Variants in ORC2 observed in about 807,000 individuals in gnomAD.
ORC2 encodes the protein origin recognition complex subunit 2.
ORC2 carries 37 observed loss-of-function variants against 77.7 expected under a neutral mutation model. The ratio of observed to expected loss-of-function variants is 0.48; its 90% CI spans 0.37 to 0.63. The LOEUF is 0.63. ORC2 is among the 20% of genes least tolerant of loss of function. ORC2 has a pLI of 0.00. For missense variants in ORC2, 557 were observed against 661.9 expected (o/e 0.84, Z 1.74); for synonymous variants, 201 against 229.5 (o/e 0.88, Z 1.12).
intron 17 of ORC2, among the ~76,000 whole-genome samples, chr2:200,912,978 A>G (rs2040577264): frequency 6.6e-6 from 1 of 152,256 alleles, no homozygotes; most frequent in Non-Finnish European, 1.5e-5. Flanking sequence ...CTATGTAGTT[A>G]GTACTCAATA....
chr2:200,918,875 T>C (rs2040706879), intron 15 of ORC2, among the ~76,000 whole-genome samples: 2 of 151,492 alleles, frequency 1.3e-5, no homozygotes, highest in South Asian at 4.2e-4. Context: ...ATAGATCTAA[T>C]ACCTGTTTTT....
chr2:200,927,001 G>GTTTATAA (rs2040848106), intron 11 of ORC2, 101 bp from the exon 12 acceptor site: 1 of 1,284,170 alleles, frequency 7.8e-7, no homozygotes, highest in Non-Finnish European at 1.1e-6. Context: ...AAAAAATACA[G>GTTTATAA]GAAAGGGGTA....
At chr2:200,937,075 A>G (rs1050086777) in intron 8 of ORC2, among the ~76,000 whole-genome samples, 20 of 152,146 alleles carry the variant, frequency 1.3e-4, no homozygotes, top group Non-Finnish European at 1.3e-4. Context: ...TGCTCGTGGT[A>G]CATGCACAGT....
At position 200,936,010 on chromosome 2, in the gene ORC2, C is replaced by T. The variant is rs1464842274; in HGVS notation, c.515-118G>A. 3 of 715,412 alleles carry T rather than the reference C, an allele frequency of 4.2e-6. No individual in the cohort carries two copies. In the African/African-American group the frequency reaches 5.4e-5, roughly 13 times the overall value. The allele number at this position is 715,412 out of a possible 1,614,324, so 44.3% of individuals were successfully genotyped here. On this transcript the variant is annotated intron_variant, in intron 8 of 17. Transcript: ENST00000234296. Reference sequence around the variant, plus strand: ...AGTCTGAATTCTGGTTTTGTCATTACCTGCTCATGATTTCACCAGAGCTAA... The same window carrying T: ...AGTCTGAATTCTGGTTTTGTCATTATCTGCTCATGATTTCACCAGAGCTAA...
intron 11 of ORC2, among the ~76,000 whole-genome samples, chr2:200,929,597 C>T (rs1320001726): frequency 6.6e-6 from 1 of 151,540 alleles, no homozygotes; most frequent in Non-Finnish European, 1.5e-5. Context: ...TGAGACCAGC[C>T]TAGGCAAGAT....
At chr2:200,956,368 C>T (rs963778195) in intron 4 of ORC2, among the ~76,000 whole-genome samples, 5 of 152,066 alleles carry the variant, frequency 3.3e-5, no homozygotes, top group Admixed American at 2.0e-4. Flanking sequence ...TAGCTGGGAC[C>T]ACAGGTGTGT....
intron 13 of ORC2, 65 bp from the exon 14 acceptor site, chr2:200,921,204 G>A: frequency 9.2e-7 from 1 of 1,085,864 alleles, no homozygotes; most frequent in Non-Finnish European, 1.3e-6. Context: ...CTGTTGCCTA[G>A]GCTAGAGTGC....
Position 200,913,398 on chromosome 2 carries a change from T to A in ORC2, c.1544A>T (p.Asp515Val). ...NPSYIGLSFQ[D>V]FYQQCREAFL... ...TGCCTCCCGACACTGCTGGTAAAAA[T>A]CTTGAAAAGAAAGGCCTGGCAAGTT... is the stretch of plus-strand genomic sequence containing the variant. The change falls in exon 17 of 18, where the codon GAT becomes GTT. Residue 515 changes from aspartate to valine, a missense_variant. Coordinates refer to ENST00000234296, the MANE Select transcript of ORC2 (RefSeq NM_006190.5). 6.3e-7 allele frequency: 1 copy of A among 1,590,926 alleles called. No individual in the cohort carries two copies. Among genetic ancestry groups the A allele is most frequent in the Non-Finnish European group, 8.6e-7 (1 of 1,165,098 alleles).
At position 200,962,257 on chromosome 2, in the gene ORC2, A is replaced by T. The variant is rs1000171788; in HGVS notation, c.-60+1233T>A. ...AGTGACCATTATGACCCCTCAAGGC[A>T]CTGCCTTGGTGCTTATAGGCCAACC... is the stretch of plus-strand genomic sequence containing the variant. On this transcript the variant is annotated intron_variant, in intron 1 of 17. Transcript: ENST00000234296. Among the ~76,000 whole-genome samples, 9 of 152,356 alleles carry T rather than the reference A, an allele frequency of 5.9e-5. No homozygotes were observed. In the East Asian group the frequency reaches 1.5e-3, roughly 26 times the overall value.
intron 4 of ORC2, among the ~76,000 whole-genome samples, chr2:200,955,604 T>G (rs1485385520): frequency 6.6e-6 from 1 of 152,158 alleles, no homozygotes; most frequent in Non-Finnish European, 1.5e-5. Context: ...TGATGGACAT[T>G]TATAAGTATG....
Position 200,925,816 on chromosome 2 carries a change from G to C in ORC2, c.1147+20C>G. ...TGCTTAACTTTACTCTAAAACTACC[G>C]AGCATCTACTTCATGTTACCTTCTT... On this transcript the variant is annotated intron_variant, in intron 13 of 17. Coordinates refer to ENST00000234296, the MANE Select transcript of ORC2 (RefSeq NM_006190.5). 8.8e-7 allele frequency: 1 copy of C among 1,140,734 alleles called. No homozygotes were observed. Among genetic ancestry groups the C allele is most frequent in the Non-Finnish European group, 1.3e-6 (1 of 760,316 alleles). 70.7% of individuals were successfully genotyped at this position (1,140,734 alleles called of 1,614,324 possible). A position where few individuals can be genotyped will look rare whatever the true frequency, so the allele number is the denominator to read the frequency against.
At chr2:200,920,026 G>A (rs962271981) in intron 15 of ORC2, among the ~76,000 whole-genome samples, 196 bp downstream of exon 15, 1 of 152,102 alleles carries the variant, frequency 6.6e-6, no homozygotes, top group African/African-American at 2.4e-5. Context: ...TGGTATTCTC[G>A]CTTTATTACT....
chr2:200,931,725 T>C (rs1048445599), intron 10 of ORC2, among the ~76,000 whole-genome samples: 1 of 152,226 alleles, frequency 6.6e-6, no homozygotes, highest in Non-Finnish European at 1.5e-5. Context: ...ACTCCAAGAA[T>C]AGGCTTTACT....
intron 4 of ORC2, among the ~76,000 whole-genome samples, chr2:200,951,939 G>C (rs1461857993): frequency 2.6e-5 from 4 of 152,034 alleles, no homozygotes. Flanking sequence ...CTGTAATCAA[G>C]ACCAAAACCA....
At chr2:200,923,099 T>A (rs747826247) in intron 13 of ORC2, among the ~76,000 whole-genome samples, 1 of 152,230 alleles carries the variant, frequency 6.6e-6, no homozygotes, top group Non-Finnish European at 1.5e-5. Flanking sequence ...CTGGGAAATA[T>A]ATACTTGACT....
At chr2:200,962,063 A>AT (rs1194048460) in intron 1 of ORC2, among the ~76,000 whole-genome samples, 1 of 152,222 alleles carries the variant, frequency 6.6e-6, no homozygotes, top group East Asian at 1.9e-4. Flanking sequence ...TTATACAAAC[A>AT]TTTCCTTTTC....
intron 4 of ORC2, among the ~76,000 whole-genome samples, chr2:200,956,745 C>T (rs1179690574): frequency 2.0e-5 from 3 of 152,128 alleles, no homozygotes; most frequent in African/African-American, 4.8e-5. Context: ...GCATCCCAAT[C>T]TGGGTGACTG....
rs1378001746 is a variant in ORC2, at chr2:200,910,986, C to CT, written c.*314dup. 1 of 199,570 alleles carries CT rather than the reference C, an allele frequency of 5.0e-6. No individual in the cohort carries two copies. Among genetic ancestry groups the CT allele is most frequent in the Non-Finnish European group, 1.0e-5 (1 of 97,132 alleles). 12.4% of individuals were successfully genotyped at this position (199,570 alleles called of 1,614,324 possible). ...GGCCCTCAAAAAATTCAGAATATCT[C>CT]TAAGTATAAAATAATTCAAAAACAT... On this transcript the variant is annotated 3_prime_UTR_variant, in exon 18 of 18. Transcript: ENST00000234296.
At position 200,914,108 on chromosome 2, in the gene ORC2, C is replaced by T. The variant is rs2040598136; in HGVS notation, c.1467-116G>A. 5 of 614,816 alleles carry T rather than the reference C, an allele frequency of 8.1e-6. No individual in the cohort carries two copies. The South Asian group carries it at 1.1e-4, about 13-fold the overall frequency. 38.1% of individuals were successfully genotyped at this position (614,816 alleles called of 1,614,324 possible). A position where few individuals can be genotyped will look rare whatever the true frequency, so the allele number is the denominator to read the frequency against. ...GTAGTTGGCCTATCCGCATTATCTTCTGTTCCTCCAAGGAATATCATATCC... is the reference window on the plus strand; with the variant it reads ...GTAGTTGGCCTATCCGCATTATCTTTTGTTCCTCCAAGGAATATCATATCC... On this transcript the variant is annotated intron_variant, in intron 15 of 17. Transcript: ENST00000234296.
Sources: allele counts gnomAD v4.1 joint callset (sites outside exome capture counted in the v4.1 genomes callset), GRCh38; gene constraint gnomAD v4.1.1; transcripts MANE v1.5; gene names NCBI Gene and HGNC (gene_info 2026-07-23, HGNC 2026-07-21).